CDH13: variants seen among roughly 807,000 people sequenced by gnomAD.
CDH13 encodes the protein cadherin 13.
Under a neutral mutation model 63.8 loss-of-function variants are expected in CDH13, and 24 were observed. The ratio of observed to expected loss-of-function variants is 0.38; its 90% CI spans 0.27 to 0.53. CDH13 has a LOEUF of 0.53. Ranked by LOEUF, CDH13 falls within the 20% of genes least tolerant of loss-of-function variation. The pLI, the probability that CDH13 is intolerant of heterozygous loss-of-function variation, is 0.85. For synonymous variants in CDH13, 503 were observed against 355.3 expected (o/e 1.42, Z -4.67); for missense variants, 1,049 against 903.1 (o/e 1.16, Z -2.07).
chr16:83,448,275 A>C (rs1432794073), intron 6 of CDH13, among the ~76,000 whole-genome samples: 1 of 152,176 alleles, frequency 6.6e-6, no homozygotes, highest in East Asian at 1.9e-4. Context: ...ATTTGCAGAT[A>C]AAAGGGAATA....
At chr16:82,752,491 C>T (rs1567499743) in intron 1 of CDH13, among the ~76,000 whole-genome samples, 2 of 152,224 alleles carry the variant, frequency 1.3e-5, no homozygotes, top group Admixed American at 6.5e-5. Context: ...GATGCCTGTA[C>T]AGTTCTTGAT....
chr16:83,789,298 A>C (rs1481301872), intron 13 of CDH13, among the ~76,000 whole-genome samples: 3 of 151,446 alleles, frequency 2.0e-5, no homozygotes, highest in Non-Finnish European at 4.4e-5. Flanking sequence ...TTGGAGAAGG[A>C]GGAGGGTGAT....
At chr16:83,235,279 C>T (rs1031496209) in intron 5 of CDH13, among the ~76,000 whole-genome samples, 1 of 152,148 alleles carries the variant, frequency 6.6e-6, no homozygotes, top group Non-Finnish European at 1.5e-5. Context: ...ACAGGTCAGC[C>T]CCTGCCCCAG....
At position 82,802,236 on chromosome 16, in the gene CDH13, C is replaced by G. The variant is rs114066177; in HGVS notation, c.46-56126C>G. 5.2e-3 allele frequency among the ~76,000 whole-genome samples: 788 copies of G among 152,242 alleles called. 11 individuals carry two copies. Among genetic ancestry groups the G allele is most frequent in the African/African-American group, 0.017 (700 of 41,554 alleles). On this transcript the variant is annotated intron_variant, in intron 1 of 13. Transcript: ENST00000567109. Reference sequence around the variant, plus strand: ...GTCCTCAGCAGAATCCCAGGGTCTTCTAAGAAGAAGACGTGGAGATCGTGA... The same window carrying G: ...GTCCTCAGCAGAATCCCAGGGTCTTGTAAGAAGAAGACGTGGAGATCGTGA...
In CDH13 at chr16:83,486,534, C is replaced by A. The variant is rs779026870; in HGVS notation, c.839C>A (p.Ala280Asp). The A allele has an allele frequency of 1.2e-6, 2 of 1,613,830 alleles. No homozygotes were observed. The stretch of plus-strand genomic sequence containing the variant: ...GCAGATGACCCAGCCACCGATAATG[C>A]CCTCCTGCGGTATAATATCCGTCAG... Reference protein sequence around the residue: ...FDADDPATDNALLRYNIRQQT... With the variant: ...FDADDPATDNDLLRYNIRQQT... The change falls in exon 7 of 14, where the codon GCC becomes GAC. Residue 280 changes from alanine to aspartate, a missense_variant. By Grantham distance (126) the Ala-to-Asp change is moderately radical. Coordinates refer to ENST00000567109, the MANE Select transcript of CDH13 (RefSeq NM_001257.5).
chr16:83,119,968 A>G (rs1389608665), intron 3 of CDH13, among the ~76,000 whole-genome samples: 7 of 152,220 alleles, frequency 4.6e-5, no homozygotes, highest in African/African-American at 1.7e-4. Flanking sequence ...GCCATGGATA[A>G]ATATTCACTG....
At chr16:83,122,081 G>T (rs1185788121) in intron 3 of CDH13, among the ~76,000 whole-genome samples, 1 of 152,136 alleles carries the variant, frequency 6.6e-6, no homozygotes, top group East Asian at 1.9e-4. Flanking sequence ...GGATTGAGAT[G>T]CTTGCTTCTG....
chr16:83,134,570 AGAGAGAGAGAGAGAGAGAGAGAGT>A (rs1434384109), intron 4 of CDH13, among the ~76,000 whole-genome samples: 4,148 of 131,420 alleles, frequency 0.032, 281 homozygotes, highest in African/African-American at 0.093. Context: ...AGAGAGAGAG[AGAGAGAGAGAGAGAGAGAGAGAGT>A]GAGTTACATG....
intron 5 of CDH13, among the ~76,000 whole-genome samples, chr16:83,289,612 A>G (rs2089416573): frequency 6.6e-6 from 1 of 152,178 alleles, no homozygotes; most frequent in Non-Finnish European, 1.5e-5. Flanking sequence ...TAATATTAAT[A>G]ATGCCAGGGA....
chr16:83,666,714 T>G (rs796508201), intron 8 of CDH13, among the ~76,000 whole-genome samples: 1 of 152,130 alleles, frequency 6.6e-6, no homozygotes, highest in Non-Finnish European at 1.5e-5. Flanking sequence ...AGATGCCAGG[T>G]ATGTTCTCAC....
At chr16:83,588,040 C>T (rs1042295287) in intron 7 of CDH13, among the ~76,000 whole-genome samples, 1 of 152,000 alleles carries the variant, frequency 6.6e-6, no homozygotes, top group African/African-American at 2.4e-5. Flanking sequence ...ATCCCGTACA[C>T]CTGGAGATGT....
intron 3 of CDH13, among the ~76,000 whole-genome samples, chr16:83,085,352 C>G (rs2033521418): frequency 6.6e-6 from 1 of 152,250 alleles, no homozygotes; most frequent in African/African-American, 2.4e-5. Flanking sequence ...CCTCCCACAA[C>G]ACGTGGGAAT....
intron 9 of CDH13, among the ~76,000 whole-genome samples, chr16:83,673,370 G>A (rs561930996): frequency 8.6e-5 from 13 of 152,044 alleles, no homozygotes; most frequent in African/African-American, 2.2e-4. Flanking sequence ...AATCATCCCC[G>A]CTCAGGAGTA....
chr16:83,139,938 G>T (rs2036458417), intron 4 of CDH13, among the ~76,000 whole-genome samples: 1 of 152,144 alleles, frequency 6.6e-6, no homozygotes, highest in Non-Finnish European at 1.5e-5. Context: ...GGAGGCAGAA[G>T]TTGTGGTGAG....
At chr16:83,242,513 G>C (rs1335916642) in intron 5 of CDH13, among the ~76,000 whole-genome samples, 1 of 152,204 alleles carries the variant, frequency 6.6e-6, no homozygotes, top group Non-Finnish European at 1.5e-5. Context: ...TGTTTGGAGA[G>C]GGTGGAATGG....
Position 83,372,998 on chromosome 16 carries a change from A to T in CDH13, c.781+27992A>T, listed in dbSNP as rs186398115. ...AACTGAAATAGTTTAGAAAGAATGC[A>T]TTAAGATAGTTTTACCTAAATAGTT... On this transcript the variant is annotated intron_variant, in intron 6 of 13. Coordinates refer to ENST00000567109, the MANE Select transcript of CDH13 (RefSeq NM_001257.5). Among the ~76,000 whole-genome samples, 601 of 152,302 alleles carry T rather than the reference A, an allele frequency of 3.9e-3. 5 individuals are homozygous for T. The highest frequency in any genetic ancestry group is 0.014 in the African/African-American group (576 of 41,572).
At chr16:82,685,588 G>T (rs1480055393) in intron 1 of CDH13, among the ~76,000 whole-genome samples, 1 of 152,220 alleles carries the variant, frequency 6.6e-6, no homozygotes, top group Non-Finnish European at 1.5e-5. Context: ...AGATGTGTTT[G>T]TGCCTGTGTG....
At chr16:83,682,115 C>G (rs1384769301) in intron 10 of CDH13, among the ~76,000 whole-genome samples, 1 of 152,194 alleles carries the variant, frequency 6.6e-6, no homozygotes, top group African/African-American at 2.4e-5. Context: ...AAACAAGAGA[C>G]ACACACCAAA....
intron 2 of CDH13, among the ~76,000 whole-genome samples, chr16:82,926,284 CA>C (rs528860186): frequency 2.1e-3 from 244 of 118,094 alleles, no homozygotes; most frequent in Middle Eastern, 4.7e-3. Flanking sequence ...ACGTTATTTC[CA>C]AAAAAAAAAA....
Sources: gnomAD v4.1 joint callset for allele counts (sites outside exome capture counted in the v4.1 genomes callset) on GRCh38, gnomAD v4.1.1 for gene constraint, MANE v1.5 for transcripts, NCBI Gene and HGNC (gene_info 2026-07-23, HGNC 2026-07-21) for gene names.